The following EYS variants were observed in gnomAD, a reference collection of about 807,000 sequenced individuals.
EYS encodes the protein protein eyes shut homolog.
Under a neutral mutation model 282.1 loss-of-function variants are expected in EYS, and 250 were observed. The observed-to-expected ratio is 0.89, with a 90% CI of 0.80 to 0.98. The LOEUF (loss-of-function observed/expected upper bound fraction) is 0.98, where lower values mean the gene tolerates loss of function less well. Among genes scored for constraint, EYS ranks in the 50% least tolerant of loss-of-function variants. The pLI is 0.00. For missense variants in EYS, 4,016 were observed against 3,709.0 expected (o/e 1.08, Z -2.15); for synonymous variants, 1,355 against 1,282.9 (o/e 1.06, Z -1.20).
At chr6:65,174,045 C>A (rs1453742563) in intron 12 of EYS, among the ~76,000 whole-genome samples, 1 of 151,024 alleles carries the variant, frequency 6.6e-6, no homozygotes, top group Non-Finnish European at 1.5e-5. Flanking sequence ...ACACACCAAC[C>A]CACATGATAC....
intron 28 of EYS, among the ~76,000 whole-genome samples, chr6:64,396,863 T>TC (rs1199667310): frequency 1.3e-5 from 2 of 152,044 alleles, no homozygotes; most frequent in Non-Finnish European, 2.9e-5. Context: ...TCCTCCTACT[T>TC]CATTTTTTCC....
intron 27 of EYS, among the ~76,000 whole-genome samples, chr6:64,436,892 T>G (rs570610261): frequency 8.2e-4 from 124 of 151,908 alleles, no homozygotes; most frequent in African/African-American, 2.9e-3. Flanking sequence ...CCTACAGGTA[T>G]ATGGATTATA....
intron 34 of EYS, among the ~76,000 whole-genome samples, chr6:63,998,254 C>A (rs765138460): frequency 1.3e-5 from 2 of 151,996 alleles, no homozygotes; most frequent in Non-Finnish European, 2.9e-5. Context: ...AGGGTTCTTG[C>A]AGATATTGAA....
chr6:63,776,379 G>A (rs1053137334), intron 40 of EYS, among the ~76,000 whole-genome samples: 12 of 151,922 alleles, frequency 7.9e-5, no homozygotes, highest in African/African-American at 1.2e-4. Context: ...CTTGACCCTC[G>A]AAATGGAAGA....
At chr6:64,707,447 G>A (rs757755761) in intron 22 of EYS, among the ~76,000 whole-genome samples, 18 of 151,780 alleles carry the variant, frequency 1.2e-4, no homozygotes, top group Non-Finnish European at 2.2e-4. Context: ...AGGTGGGCGG[G>A]TCACGAGGTC....
At chr6:65,076,703 C>T (rs974071775) in intron 12 of EYS, among the ~76,000 whole-genome samples, 13 of 151,390 alleles carry the variant, frequency 8.6e-5, no homozygotes, top group African/African-American at 3.2e-4. Flanking sequence ...CACACACACA[C>T]ACATACATAT....
At chr6:65,317,454 TG>T (rs1769323506) in intron 11 of EYS, among the ~76,000 whole-genome samples, 1 of 152,244 alleles carries the variant, frequency 6.6e-6, no homozygotes, top group Non-Finnish European at 1.5e-5. Flanking sequence ...GTATGATTTT[TG>T]TTTTCCTATT....
chr6:65,206,722 T>A (rs1441978332), intron 12 of EYS, among the ~76,000 whole-genome samples: 1 of 151,648 alleles, frequency 6.6e-6, no homozygotes, highest in Non-Finnish European at 1.5e-5. Context: ...AATTCAACAT[T>A]TGCAAATCAA....
At chr6:64,406,936 G>A (rs540474141) in intron 28 of EYS, among the ~76,000 whole-genome samples, 35 of 152,152 alleles carry the variant, frequency 2.3e-4, no homozygotes, top group African/African-American at 7.9e-4. Flanking sequence ...TGACCCAGCA[G>A]TCCCATTACT....
At chr6:65,049,264 C>A (rs1031663780) in intron 13 of EYS, among the ~76,000 whole-genome samples, 13 of 151,840 alleles carry the variant, frequency 8.6e-5, no homozygotes, top group Admixed American at 7.2e-4. Context: ...TTGAAAACTC[C>A]AGCTTCATGT....
At chr6:65,168,259 T>A (rs1038153909) in intron 12 of EYS, among the ~76,000 whole-genome samples, 1 of 151,290 alleles carries the variant, frequency 6.6e-6, no homozygotes, top group African/African-American at 2.4e-5. Flanking sequence ...TCAGTAGCAG[T>A]CCAGTACCAC....
At chr6:64,887,915 A>G (rs1379086103) in intron 18 of EYS, among the ~76,000 whole-genome samples, 2 of 152,094 alleles carry the variant, frequency 1.3e-5, no homozygotes, top group African/African-American at 4.8e-5. Flanking sequence ...AAGAAGGAGC[A>G]GGATCAGTGT....
intron 33 of EYS, among the ~76,000 whole-genome samples, chr6:64,056,474 T>G (rs1026379043): frequency 6.6e-6 from 1 of 152,196 alleles, no homozygotes; most frequent in Non-Finnish European, 1.5e-5. Flanking sequence ...ACATTTCCTA[T>G]TCTAAGAATT....
At chr6:64,715,031 G>GT (rs762649871) in intron 22 of EYS, among the ~76,000 whole-genome samples, 2,013 of 144,064 alleles carry the variant, frequency 0.014, 36 homozygotes, top group African/African-American at 0.039. Context: ...GCAGTCCCCA[G>GT]TTTTTTTTTT....
intron 5 of EYS, among the ~76,000 whole-genome samples, chr6:65,447,052 A>G (rs1582307626): frequency 6.6e-6 from 1 of 151,656 alleles, no homozygotes; most frequent in Non-Finnish European, 1.5e-5. Context: ...AGTATGTGAG[A>G]GGAAGTGTCT....
intron 12 of EYS, among the ~76,000 whole-genome samples, chr6:65,066,201 C>A (rs934616165): frequency 6.6e-6 from 1 of 152,146 alleles, no homozygotes; most frequent in African/African-American, 2.4e-5. Flanking sequence ...TTAAACATTA[C>A]CACTTGCCAC....
At chr6:65,681,314 A>T (rs1768806388) in intron 1 of EYS, among the ~76,000 whole-genome samples, 1 of 152,052 alleles carries the variant, frequency 6.6e-6, no homozygotes, top group Admixed American at 6.6e-5. Flanking sequence ...CCAACTCATT[A>T]GCATATGAAA....
At chr6:64,519,091 GGTT>G (rs1442432516) in intron 26 of EYS, among the ~76,000 whole-genome samples, 1 of 151,760 alleles carries the variant, frequency 6.6e-6, no homozygotes, top group Non-Finnish European at 1.5e-5. Flanking sequence ...CCTCCAGGAA[GGTT>G]GCTGTGGAAG....
At chr6:64,979,522 TTTC>T (rs1454522697) in intron 14 of EYS, among the ~76,000 whole-genome samples, 1 of 151,628 alleles carries the variant, frequency 6.6e-6, no homozygotes, top group African/African-American at 2.4e-5. Flanking sequence ...TTGCACTACT[TTTC>T]TTTGTCTTTT....
Sources: allele counts gnomAD v4.1 joint callset (sites outside exome capture counted in the v4.1 genomes callset), GRCh38; gene constraint gnomAD v4.1.1; transcripts MANE v1.5; gene names NCBI Gene and HGNC (gene_info 2026-07-23, HGNC 2026-07-21).